THSD4: variants seen among roughly 807,000 people sequenced by gnomAD.
The protein encoded by THSD4 is thrombospondin type 1 domain containing 4.
A neutral mutation model predicts 119.0 loss-of-function variants in THSD4; 69 were observed. The ratio of observed to expected loss-of-function variants is 0.58; its 90% confidence interval spans 0.48 to 0.71. THSD4 has a LOEUF of 0.71. Among genes scored for constraint, THSD4 ranks in the 30% least tolerant of loss-of-function variants. The pLI, the probability that THSD4 is intolerant of heterozygous loss-of-function variation, is 0.00. For synonymous variants in THSD4, 524 were observed against 540.4 expected, an observed-to-expected ratio of 0.97 and a Z score of 0.42; for missense variants, 1,393 against 1,391.1, an observed-to-expected ratio of 1.00 and a Z score of -0.02.
chr15:71,441,453 T>G (rs1595770148), intron 7 of THSD4, among the ~76,000 whole-genome samples: 2 of 78,286 alleles, frequency 2.6e-5, no homozygotes. Flanking sequence ...CAGGCTGGAG[T>G]GCAGTGGTGC....
chr15:71,374,370 G>T (rs1413572995), intron 6 of THSD4, among the ~76,000 whole-genome samples: 1 of 152,196 alleles, frequency 6.6e-6, no homozygotes, highest in East Asian at 1.9e-4. Context: ...GACAGAGCTG[G>T]ATAAGAGAGA....
At chr15:71,591,425 C>T (rs567555535) in intron 7 of THSD4, among the ~76,000 whole-genome samples, 1 of 152,320 alleles carries the variant, frequency 6.6e-6, no homozygotes, top group South Asian at 2.1e-4. Context: ...ATTTTGATCG[C>T]TCAGACAGCT....
chr15:71,301,544 T>C (rs1233284675), intron 6 of THSD4, among the ~76,000 whole-genome samples: 1 of 152,238 alleles, frequency 6.6e-6, no homozygotes, highest in African/African-American at 2.4e-5. Context: ...ATCTCTTCTG[T>C]AATATGTGTT....
At chr15:71,465,940 A>C (rs141772568) in intron 7 of THSD4, among the ~76,000 whole-genome samples, 1 of 152,314 alleles carries the variant, frequency 6.6e-6, no homozygotes, top group East Asian at 1.9e-4. Context: ...AAGGCCAAGG[A>C]TGAAATTGAT....
intron 8 of THSD4, among the ~76,000 whole-genome samples, chr15:71,706,482 G>T (rs2052395043): frequency 6.6e-6 from 1 of 152,204 alleles, no homozygotes; most frequent in African/African-American, 2.4e-5. Flanking sequence ...GATATAAATT[G>T]TGGATAGTTG....
At chr15:71,304,752 A>G (rs1240786335) in intron 6 of THSD4, among the ~76,000 whole-genome samples, 1 of 152,176 alleles carries the variant, frequency 6.6e-6, no homozygotes, top group Non-Finnish European at 1.5e-5. Flanking sequence ...TTCCAACAAA[A>G]AGTAACCAAA....
chr15:71,217,432 C>A (rs978344519), intron 4 of THSD4, among the ~76,000 whole-genome samples: 134 of 152,054 alleles, frequency 8.8e-4, no homozygotes, highest in African/African-American at 3.2e-3. Context: ...CCTGGCTAAA[C>A]GTGGTGAAAC....
At chr15:71,154,544 C>T (rs944106705) in intron 2 of THSD4, among the ~76,000 whole-genome samples, 1 of 152,240 alleles carries the variant, frequency 6.6e-6, no homozygotes, top group Non-Finnish European at 1.5e-5. Context: ...AACCTCTAAG[C>T]CAGTTCCCGT....
intron 7 of THSD4, among the ~76,000 whole-genome samples, chr15:71,546,210 T>C (rs934623493): frequency 4.6e-5 from 7 of 152,088 alleles, no homozygotes; most frequent in African/African-American, 1.7e-4. Context: ...CAACTGGAGT[T>C]TAACCCACAC....
intron 7 of THSD4, among the ~76,000 whole-genome samples, chr15:71,425,350 G>T (rs559813051): frequency 5.9e-5 from 9 of 152,308 alleles, no homozygotes; most frequent in Admixed American, 1.3e-4. Context: ...AATAGAAAGA[G>T]TTGTTTATAT....
chr15:71,489,763 C>G (rs72731099), intron 7 of THSD4, among the ~76,000 whole-genome samples: 19,809 of 152,074 alleles, frequency 0.13, 1,296 homozygotes, highest in Middle Eastern at 0.21. Context: ...ACATGAAAGA[C>G]GGGAGAATGC....
At chr15:71,158,786 C>T in intron 3 of THSD4, among the ~76,000 whole-genome samples, 1 of 151,834 alleles carries the variant, frequency 6.6e-6, no homozygotes, top group East Asian at 1.9e-4. Context: ...AAATTTACAC[C>T]CCCTCACTTC....
intron 7 of THSD4, among the ~76,000 whole-genome samples, chr15:71,522,416 A>T (rs1014160573): frequency 1.3e-5 from 2 of 152,164 alleles, no homozygotes; most frequent in African/African-American, 4.8e-5. Flanking sequence ...ACAGTTGTGG[A>T]CAGATCATAG....
At position 71,670,726 on chromosome 15, in the gene THSD4, A is replaced by G. The variant is rs574677043; in HGVS notation, c.1357+9992A>G. Among the ~76,000 whole-genome samples, 12 of 150,192 alleles carry G rather than the reference A, an allele frequency of 8.0e-5. 1 individual carries two copies. In the South Asian group the frequency reaches 2.1e-3, roughly 27 times the overall value. ...TGTTCTCATTGTTCATTTCCCCCCT[A>G]TGAGTGAGAACATGCGGTGTTTGGT... On this transcript the variant is annotated intron_variant, in intron 8 of 17. Coordinates refer to ENST00000261862, the MANE Select transcript of THSD4 (RefSeq NM_024817.3).
Position 71,736,395 on chromosome 15 carries a change from CTCTCGCTCTCTGACTG to C in THSD4, c.1631-1325_1631-1310del, listed in dbSNP as rs202235270. Among the ~76,000 whole-genome samples, 1,205 of 151,990 alleles carry C rather than the reference CTCTCGCTCTCTGACTG, an allele frequency of 7.9e-3. 25 individuals are homozygous for C. Among genetic ancestry groups the C allele is most frequent in the Admixed American group, 0.04 (613 of 15,276 alleles). On this transcript the variant is annotated intron_variant, in intron 10 of 17. Transcript: ENST00000261862. ...TTTCTGTCTCTCTCGCACTCTGTCT[CTCTCGCTCTCTGACTG>C]TCTCGCTCTCTTGCTGTCTTTGTCT...
intron 1 of THSD4, among the ~76,000 whole-genome samples, chr15:71,107,774 T>C (rs1047746417): frequency 3.3e-5 from 5 of 152,160 alleles, no homozygotes; most frequent in Non-Finnish European, 7.4e-5. Context: ...AGGATGCTAA[T>C]GGGGAAGGCA....
chr15:71,603,686 A>G (rs1488230031), intron 7 of THSD4, among the ~76,000 whole-genome samples: 1 of 152,086 alleles, frequency 6.6e-6, no homozygotes, highest in African/African-American at 2.4e-5. Flanking sequence ...TGTGACAGGT[A>G]GGGTCTTTGG....
At chr15:71,775,241 C>CA (rs2053892851) in intron 17 of THSD4, among the ~76,000 whole-genome samples, 1 of 151,552 alleles carries the variant, frequency 6.6e-6, no homozygotes, top group South Asian at 2.1e-4. Context: ...ACAGACACCC[C>CA]AAAAAAGAAG....
chr15:71,725,395 A>G (rs554493317), intron 8 of THSD4, among the ~76,000 whole-genome samples: 19 of 152,212 alleles, frequency 1.2e-4, no homozygotes, highest in Non-Finnish European at 2.1e-4. Flanking sequence ...TCATTCACAT[A>G]TGGTAGTTGA....
Sources: gnomAD v4.1 joint callset for allele counts (sites outside exome capture counted in the v4.1 genomes callset) on GRCh38, gnomAD v4.1.1 for gene constraint, MANE v1.5 for transcripts, NCBI Gene and HGNC (gene_info 2026-07-23, HGNC 2026-07-21) for gene names.